SKAP1: variants seen among roughly 807,000 people sequenced by gnomAD.
SKAP1 encodes the protein src kinase-associated phosphoprotein 1.
SKAP1 carries 44 observed loss-of-function variants against 58.5 expected under a neutral mutation model. The ratio of observed to expected loss-of-function variants is 0.75; its 90% CI spans 0.59 to 0.97. SKAP1 has a LOEUF of 0.97. Among genes scored for constraint, SKAP1 ranks in the 50% least tolerant of loss-of-function variants. The pLI, the probability that SKAP1 is intolerant of heterozygous loss-of-function variation, is 0.00. For missense variants in SKAP1, 390 were observed against 435.2 expected, an observed-to-expected ratio of 0.90 and a Z score of 0.92; for synonymous variants, 127 against 149.7, an observed-to-expected ratio of 0.85 and a Z score of 1.11.
intron 2 of SKAP1, among the ~76,000 whole-genome samples, chr17:48,365,391 G>A (rs1054325480): frequency 2.6e-5 from 4 of 152,132 alleles, no homozygotes; most frequent in Admixed American, 6.5e-5. Context: ...CTGTATTTTG[G>A]ATCCCATTTC....
At chr17:48,225,066 T>C (rs763042607) in intron 4 of SKAP1, among the ~76,000 whole-genome samples, 2 of 152,196 alleles carry the variant, frequency 1.3e-5, no homozygotes, top group Non-Finnish European at 2.9e-5. Flanking sequence ...CAGTCTACTA[T>C]GGCCTCTGGT....
intron 4 of SKAP1, among the ~76,000 whole-genome samples, chr17:48,267,276 A>G (rs960592051): frequency 1.3e-5 from 2 of 152,194 alleles, no homozygotes; most frequent in African/African-American, 4.8e-5. Flanking sequence ...ACAAAATTAG[A>G]TACTTCTCAA....
intron 4 of SKAP1, among the ~76,000 whole-genome samples, chr17:48,336,633 A>G (rs1342476005): frequency 6.6e-6 from 1 of 152,182 alleles, no homozygotes; most frequent in African/African-American, 2.4e-5. Context: ...TAAATTAGGA[A>G]TAATAGTTGG....
chr17:48,379,914 C>T (rs1452431272), intron 2 of SKAP1, among the ~76,000 whole-genome samples: 1 of 152,130 alleles, frequency 6.6e-6, no homozygotes, highest in Non-Finnish European at 1.5e-5. Context: ...GAACACCTGA[C>T]CTCGTCATCC....
At chr17:48,385,440 TA>T (rs2067263762) in intron 2 of SKAP1, among the ~76,000 whole-genome samples, 1 of 152,012 alleles carries the variant, frequency 6.6e-6, no homozygotes, top group South Asian at 2.1e-4. Context: ...TGGAGAGACA[TA>T]ATGAAGAAGG....
At chr17:48,371,094 T>C (rs988510177) in intron 2 of SKAP1, among the ~76,000 whole-genome samples, 1 of 152,070 alleles carries the variant, frequency 6.6e-6, no homozygotes, top group African/African-American at 2.4e-5. Context: ...CTTATGAACA[T>C]AAAGGTGTGA....
chr17:48,138,040 A>G (rs965580074), intron 11 of SKAP1, among the ~76,000 whole-genome samples: 1 of 152,230 alleles, frequency 6.6e-6, no homozygotes, highest in Non-Finnish European at 1.5e-5. Context: ...GTGAGAGGTG[A>G]CAGGTACATT....
chr17:48,208,423 C>A (rs2064834082), intron 4 of SKAP1, among the ~76,000 whole-genome samples: 1 of 152,160 alleles, frequency 6.6e-6, no homozygotes, highest in South Asian at 2.1e-4. Context: ...CCCTTGAAGA[C>A]CCAAGTGTCA....
At chr17:48,341,551 AT>A (rs1431434172) in intron 4 of SKAP1, among the ~76,000 whole-genome samples, 1 of 152,184 alleles carries the variant, frequency 6.6e-6, no homozygotes, top group African/African-American at 2.4e-5. Context: ...TATTCTCTAT[AT>A]TTTTAAATGT....
At chr17:48,193,753 T>C (rs2064583814) in intron 4 of SKAP1, 2 of 984,532 alleles carry the variant, frequency 2.0e-6, no homozygotes, top group Non-Finnish European at 2.4e-6. Flanking sequence ...GCAGGAATCT[T>C]GTATGCCTGG....
At chr17:48,224,559 T>G (rs1025874820) in intron 4 of SKAP1, among the ~76,000 whole-genome samples, 4 of 152,230 alleles carry the variant, frequency 2.6e-5, no homozygotes, top group African/African-American at 9.6e-5. Flanking sequence ...TCAAATAGAA[T>G]AATAATTCTT....
rs571162703 is a variant in SKAP1 at position 48,310,413 on chromosome 17, A to G, written c.280+35492T>C. Among the ~76,000 whole-genome samples the G allele has an allele frequency of 3.9e-5, 6 of 152,336 alleles. No homozygotes were observed. In the South Asian group the frequency reaches 1.0e-3, roughly 26 times the overall value. On this transcript the variant is annotated intron_variant, in intron 4 of 12. Coordinates refer to ENST00000336915, the MANE Select transcript of SKAP1 (RefSeq NM_003726.4). The stretch of plus-strand genomic sequence containing the variant: ...CAGTTACAGAAACAATTGTGGTTCC[A>G]ATTCATCTCTCATTCTCTCCCAATG...
At chr17:48,350,077 T>C (rs2066778672) in intron 3 of SKAP1, among the ~76,000 whole-genome samples, 1 of 152,200 alleles carries the variant, frequency 6.6e-6, no homozygotes, top group Admixed American at 6.5e-5. Flanking sequence ...GATGTTCCCC[T>C]TGTAACTATT....
At chr17:48,171,695 T>C (rs1456344160) in intron 9 of SKAP1, among the ~76,000 whole-genome samples, 1 of 151,768 alleles carries the variant, frequency 6.6e-6, no homozygotes, top group Non-Finnish European at 1.5e-5. Context: ...TATGCAAGCA[T>C]TCTCTCTAGT....
chr17:48,333,534 T>C (rs536104740), intron 4 of SKAP1, among the ~76,000 whole-genome samples: 1 of 152,274 alleles, frequency 6.6e-6, no homozygotes, highest in African/African-American at 2.4e-5. Context: ...TATTCTTTCA[T>C]ATACCTTTTT....
chr17:48,162,424 G>GA lies in SKAP1; in HGVS notation c.978+44dup, dbSNP rs758660588. The stretch of plus-strand genomic sequence containing the variant: ...TGTTTATGGTGACTAAATCAAGAAT[G>GA]AAAAAATTGACTTTCTATTTAAGCC... On this transcript the variant is annotated intron_variant, in intron 11 of 12. Transcript: ENST00000336915. 57 of 1,369,886 alleles carry GA rather than the reference G, an allele frequency of 4.2e-5. 1 individual carries two copies. The highest frequency in any genetic ancestry group is 1.9e-4 in the East Asian group (8 of 43,184). The allele number at this position is 1,369,886 out of a possible 1,614,324, so 84.9% of individuals were successfully genotyped here.
chr17:48,417,850 C>T lies in SKAP1; in HGVS notation c.46+12225G>A, dbSNP rs111383727. On this transcript the variant is annotated intron_variant, in intron 1 of 12. Transcript: ENST00000336915. The stretch of plus-strand genomic sequence containing the variant: ...TGGATATATAAAATATTTGGAAACA[C>T]CTTAAACATCCATCAATAGGACAAT... 4.1e-3 allele frequency among the ~76,000 whole-genome samples: 616 copies of T among 151,836 alleles called. 8 individuals are homozygous for T. The highest frequency in any genetic ancestry group is 0.014 in the African/African-American group (590 of 41,418).
chr17:48,172,173 C>T (rs1473843069), intron 9 of SKAP1, among the ~76,000 whole-genome samples: 1 of 152,122 alleles, frequency 6.6e-6, no homozygotes, highest in Non-Finnish European at 1.5e-5. Flanking sequence ...TTTTATGTTC[C>T]TAGTACTTGG....
At chr17:48,297,602 TA>T (rs2065996175) in intron 4 of SKAP1, among the ~76,000 whole-genome samples, 1 of 152,066 alleles carries the variant, frequency 6.6e-6, no homozygotes, top group Non-Finnish European at 1.5e-5. Flanking sequence ...CATCAATGAT[TA>T]AAAATATATA....
Sources: gnomAD v4.1 joint callset for allele counts (sites outside exome capture counted in the v4.1 genomes callset) on GRCh38, gnomAD v4.1.1 for gene constraint, MANE v1.5 for transcripts, NCBI Gene and HGNC (gene_info 2026-07-23, HGNC 2026-07-21) for gene names.